The following TM7SF3 variants were observed in gnomAD, a reference collection of about 807,000 sequenced individuals.
The protein encoded by TM7SF3 is seven span transmembrane protein.
In TM7SF3, 60 loss-of-function variants were observed where a neutral mutation model predicts 65.5. The observed-to-expected ratio is 0.92, with a 90% confidence interval of 0.74 to 1.14. TM7SF3 has a LOEUF of 1.14. Ranked by LOEUF, TM7SF3 falls within the 50% of genes most tolerant of loss-of-function variation. TM7SF3 has a pLI of 0.00. For synonymous variants in TM7SF3, 264 were observed against 259.6 expected (o/e 1.02, Z -0.16); for missense variants, 623 against 684.8 (o/e 0.91, Z 1.01).
At chr12:27,008,847 T>TA (rs1390910728) in intron 1 of TM7SF3, among the ~76,000 whole-genome samples, 2 of 152,122 alleles carry the variant, frequency 1.3e-5, no homozygotes, top group African/African-American at 4.8e-5. Context: ...TGTGGACTGA[T>TA]AGACATTGAA....
intron 5 of TM7SF3, among the ~76,000 whole-genome samples, chr12:26,993,996 C>A (rs1375004530): frequency 6.6e-6 from 1 of 152,198 alleles, no homozygotes; most frequent in Non-Finnish European, 1.5e-5. Context: ...CCCCTTCAAA[C>A]AGGCTCCTGA....
intron 5 of TM7SF3, among the ~76,000 whole-genome samples, chr12:26,993,260 T>C (rs188624074): frequency 1.3e-5 from 2 of 152,274 alleles, no homozygotes; most frequent in Admixed American, 6.5e-5. Flanking sequence ...CCAAGTTCCA[T>C]GCATGGTGTT....
intron 3 of TM7SF3, 54 bp downstream of exon 3, chr12:26,999,472 T>C (rs990338728): frequency 5.8e-6 from 9 of 1,563,490 alleles, no homozygotes; most frequent in African/African-American, 1.4e-5. Flanking sequence ...TAAAGTTTCA[T>C]GAACACATTC....
chr12:26,994,663 T>C (rs575755511), intron 5 of TM7SF3, among the ~76,000 whole-genome samples: 58 of 152,340 alleles, frequency 3.8e-4, no homozygotes, highest in African/African-American at 1.3e-3. Flanking sequence ...ACCTGAGGGA[T>C]ATAAAATGCA....
Position 27,014,270 on chromosome 12 carries a change from ATCGGGCGCCAT to A in TM7SF3, c.-113_-103del. On this transcript the variant is annotated 5_prime_UTR_variant, in exon 1 of 12. It removes an upstream start codon present in the reference 5' UTR. Transcript: ENST00000343028. ...GCCCACGCTATCCCGGGGCGCCCGCATCGGGCGCCATCGCCCGCCAGGTGCAGACGCTTCGC... is the reference window on the plus strand; with the variant it reads ...GCCCACGCTATCCCGGGGCGCCCGCACGCCCGCCAGGTGCAGACGCTTCGC... 9.8e-7 allele frequency: 1 copy of A among 1,020,576 alleles called. No homozygotes were observed. Among genetic ancestry groups the A allele is most frequent in the Non-Finnish European group, 1.3e-6 (1 of 741,272 alleles). 63.2% of individuals were successfully genotyped at this position (1,020,576 alleles called of 1,614,324 possible).
At chr12:27,010,553 T>C (rs1941206765) in intron 1 of TM7SF3, among the ~76,000 whole-genome samples, 1 of 152,198 alleles carries the variant, frequency 6.6e-6, no homozygotes, top group Non-Finnish European at 1.5e-5. Context: ...AAAAATATCC[T>C]GAAGAAGCTA....
chr12:27,013,989 G>T, intron 1 of TM7SF3, 89 bp downstream of exon 1: 1 of 1,140,378 alleles, frequency 8.8e-7, no homozygotes, highest in Non-Finnish European at 1.3e-6. Context: ...CCATCTCCCT[G>T]CTAGGCTGAC....
intron 6 of TM7SF3, among the ~76,000 whole-genome samples, chr12:26,984,392 T>C (rs1467843995): frequency 2.0e-5 from 3 of 151,602 alleles, no homozygotes; most frequent in African/African-American, 2.4e-5. Context: ...ATCAGGCCAT[T>C]GCACTCCAGC....
At chr12:26,978,775 G>A (rs925279787) in intron 9 of TM7SF3, 1 of 150,308 alleles carries the variant, frequency 6.7e-6, no homozygotes, top group African/African-American at 2.5e-5. Context: ...GTAGAGATGG[G>A]GAATCACTAT....
chr12:26,977,947 C>T (rs905848746), intron 9 of TM7SF3: 1 of 264,068 alleles, frequency 3.8e-6, no homozygotes, highest in Non-Finnish European at 7.7e-6. Context: ...AAAATAAAAG[C>T]TTACCAGGCA....
At chr12:27,000,822 A>T (rs1170857686) in intron 2 of TM7SF3, among the ~76,000 whole-genome samples, 1 of 152,114 alleles carries the variant, frequency 6.6e-6, no homozygotes, top group East Asian at 1.9e-4. Flanking sequence ...CAATCAAAAT[A>T]GCAAATGTAT....
intron 3 of TM7SF3, 43 bp downstream of exon 3, chr12:26,999,483 C>T: frequency 6.3e-7 from 1 of 1,587,786 alleles, no homozygotes; most frequent in South Asian, 1.1e-5. Context: ...GAACACATTC[C>T]ATATTCCAAA....
chr12:26,976,849 G>T (rs185202086), intron 9 of TM7SF3, among the ~76,000 whole-genome samples: 41 of 152,294 alleles, frequency 2.7e-4, no homozygotes, highest in Middle Eastern at 3.4e-3. Flanking sequence ...TACCGTCAAA[G>T]CATGTCCTGT....
chr12:26,978,863 G>A (rs1277277608), intron 9 of TM7SF3: 1 of 151,960 alleles, frequency 6.6e-6, no homozygotes, highest in Non-Finnish European at 1.5e-5. Context: ...TTATAGGCAT[G>A]AGCCACCATG....
intron 3 of TM7SF3, among the ~76,000 whole-genome samples, chr12:26,998,917 AT>A (rs1298965746): frequency 6.6e-6 from 1 of 152,046 alleles, no homozygotes; most frequent in Non-Finnish European, 1.5e-5. Context: ...TCTCCAAATC[AT>A]TTTTCTTCAT....
At chr12:27,002,271 T>C (rs1304761836) in intron 2 of TM7SF3, among the ~76,000 whole-genome samples, 1 of 151,268 alleles carries the variant, frequency 6.6e-6, no homozygotes, top group South Asian at 2.1e-4. Context: ...AAGACCAGCC[T>C]GGGCAACAGA....
chr12:26,992,270 T>TA (rs1555217578), intron 5 of TM7SF3, among the ~76,000 whole-genome samples: 3 of 151,320 alleles, frequency 2.0e-5, no homozygotes, highest in South Asian at 2.1e-4. Context: ...ATTTTATTTT[T>TA]TTATTATTAT....
At chr12:26,976,849 G>C (rs185202086) in intron 9 of TM7SF3, among the ~76,000 whole-genome samples, 1 of 152,176 alleles carries the variant, frequency 6.6e-6, no homozygotes. Flanking sequence ...TACCGTCAAA[G>C]CATGTCCTGT....
chr12:26,983,686 T>A, intron 6 of TM7SF3: 1 of 368,446 alleles, frequency 2.7e-6, no homozygotes, highest in South Asian at 2.0e-5. Context: ...AATAAAAAAT[T>A]TAAACCGAAA....
Sources: allele counts gnomAD v4.1 joint callset (sites outside exome capture counted in the v4.1 genomes callset), GRCh38; gene constraint gnomAD v4.1.1; transcripts MANE v1.5; gene names NCBI Gene and HGNC (gene_info 2026-07-23, HGNC 2026-07-21).